Variants in GUSB observed in about 807,000 individuals in gnomAD.
GUSB encodes beta-glucuronidase.
Under a neutral mutation model 74.6 loss-of-function variants are expected in GUSB, and 51 were observed. The ratio of observed to expected loss-of-function variants is 0.68; its 90% confidence interval spans 0.55 to 0.86. The LOEUF (loss-of-function observed/expected upper bound fraction) is 0.86, where lower values mean the gene tolerates loss of function less well. GUSB is among the 40% of genes least tolerant of loss of function. GUSB has a pLI of 0.00. For missense variants in GUSB, 736 were observed against 853.7 expected (o/e 0.86, Z 1.72); for synonymous variants, 360 against 348.3 (o/e 1.03, Z -0.37).
chr7:65,981,888 G>T (rs1792050786), intron 1 of GUSB, 86 bp downstream of exon 1: 2 of 1,216,006 alleles, frequency 1.6e-6, no homozygotes, highest in Non-Finnish European at 2.3e-6. Context: ...GAGACGCCCA[G>T]GGGAAGAAGT....
intron 10 of GUSB, 28 bp from the exon 11 acceptor site, chr7:65,964,486 G>C: frequency 6.2e-7 from 1 of 1,606,164 alleles, no homozygotes; most frequent in Non-Finnish European, 8.5e-7. Flanking sequence ...GAGAATGTAA[G>C]AGTCAGAACT....
Position 65,979,708 on chromosome 7 carries a change from G to A in GUSB, c.581+19C>T. 6.2e-7 allele frequency: 1 copy of A among 1,612,152 alleles called. No homozygotes were observed. Among genetic ancestry groups the A allele is most frequent in the Non-Finnish European group, 8.5e-7 (1 of 1,178,570 alleles). On this transcript the variant is annotated intron_variant, in intron 3 of 11. Coordinates refer to ENST00000304895, the MANE Select transcript of GUSB (RefSeq NM_000181.4). Reference sequence around the variant, plus strand: ...GGCGGGAAGGTGGGTGTGTGCAATGGAGGCAGGATGGTACCCACTTGGAGG... The same window carrying A: ...GGCGGGAAGGTGGGTGTGTGCAATGAAGGCAGGATGGTACCCACTTGGAGG...
At position 65,976,020 on chromosome 7, in the gene GUSB, A is replaced by G. The variant is rs569297611; in HGVS notation, c.907T>C (p.Leu303=). 1.9e-6 allele frequency: 3 copies of G among 1,613,512 alleles called. No homozygotes were observed. Among genetic ancestry groups the G allele is most frequent in the South Asian group, 2.2e-5 (2 of 91,082 alleles). The change falls in exon 5 of 12, where the codon TTG becomes CTG. Residue 303 remains leucine (L), a synonymous_variant. Transcript: ENST00000304895. ...ATGTCCCAAACCACCATTACCTCCA[A>G]TGAATACAGATAGGCAGGGCGTTCG... ...MHERPAYLYS[L]EVQLTAQTSL...
chr7:65,975,025 T>G lies in GUSB; in HGVS notation c.959A>C (p.Tyr320Ser), dbSNP rs886044680. 8.7e-6 allele frequency: 14 copies of G among 1,613,296 alleles called. No individual in the cohort carries two copies. The highest frequency in any genetic ancestry group is 3.4e-6 in the Non-Finnish European group (4 of 1,179,482). The change falls in exon 6 of 12, where the codon TAC becomes TCC. Residue 320 changes from tyrosine (Y) to serine (S), a missense_variant. This residue lies in a region of GUSB where 368 missense variants were observed against 489.9 expected (regional missense o/e 0.75). Transcript: ENST00000304895. ...QTSLGPVSDF[Y>S]TLPVGIRTVA... ...AGTGCGGATCCCCACAGGGAGTGTGTAGAAGTCAGACACAGGCCCCAGTGA... is the reference window on the plus strand; with the variant it reads ...AGTGCGGATCCCCACAGGGAGTGTGGAGAAGTCAGACACAGGCCCCAGTGA...
intron 2 of GUSB, 39 bp downstream of exon 2, chr7:65,980,185 G>GCACCCCCCC: frequency 1.4e-6 from 1 of 725,274 alleles, no homozygotes; most frequent in Non-Finnish European, 2.4e-6. Context: ...CAGCAGCCGT[G>GCACCCCCCC]CCCCCCCACC....
intron 8 of GUSB, among the ~76,000 whole-genome samples, chr7:65,972,406 C>G (rs1013483523): frequency 6.6e-6 from 1 of 152,200 alleles, no homozygotes; most frequent in African/African-American, 2.4e-5. Flanking sequence ...TCAGGTGATC[C>G]ACCCACCTTG....
rs1297851058 is a variant in GUSB, at chr7:65,979,715, G to C, written c.581+12C>G. On this transcript the variant is annotated intron_variant, in intron 3 of 11. Coordinates refer to ENST00000304895, the MANE Select transcript of GUSB (RefSeq NM_000181.4). Reference sequence around the variant, plus strand: ...AGGTGGGTGTGTGCAATGGAGGCAGGATGGTACCCACTTGGAGGTGTCAGT... The same window carrying C: ...AGGTGGGTGTGTGCAATGGAGGCAGCATGGTACCCACTTGGAGGTGTCAGT... 1 of 1,612,658 alleles carries C rather than the reference G, an allele frequency of 6.2e-7. No homozygotes were observed. The highest frequency in any genetic ancestry group is 1.7e-5 in the Admixed American group (1 of 60,006).
chr7:65,980,587 G>A (rs895877810), intron 1 of GUSB, 178 bp from the exon 2 acceptor site: 2 of 645,302 alleles, frequency 3.1e-6, no homozygotes, highest in Non-Finnish European at 2.8e-6. Flanking sequence ...TGTGCACCTG[G>A]GCCAGTGGGG....
At chr7:65,962,548 C>G (rs973898644) in intron 11 of GUSB, among the ~76,000 whole-genome samples, 1 of 152,154 alleles carries the variant, frequency 6.6e-6, no homozygotes, top group Non-Finnish European at 1.5e-5. Context: ...ACTTGCCCAA[C>G]GTGATGCAGC....
At position 65,982,040 on chromosome 7, in the gene GUSB, G is replaced by A. The variant is rs1792067254; in HGVS notation, c.144C>T (p.Arg48=). ...GGCGTCGGTTGTCAGAGAAGTCGGC[G>A]CGGAAGCTCCAGAGGCCGTCCAGCT... ...CKELDGLWSF[R]ADFSDNRRRG... Residue 48 remains arginine (R), a synonymous_variant, in exon 1 of 12, where the codon CGC becomes CGT. Transcript: ENST00000304895. The A allele has an allele frequency of 1.2e-6, 2 of 1,610,644 alleles. No homozygotes were observed. The highest frequency in any genetic ancestry group is 1.1e-5 in the South Asian group (1 of 90,864).
At chr7:65,968,010 A>AC in intron 9 of GUSB, 103 bp from the exon 10 acceptor site, 7 of 949,442 alleles carry the variant, frequency 7.4e-6, no homozygotes, top group Non-Finnish European at 1.2e-5. Flanking sequence ...AGGGGGATGT[A>AC]ATCCCAGCAC....
chr7:65,971,135 C>T (rs1363168669), intron 8 of GUSB, among the ~76,000 whole-genome samples: 4 of 152,154 alleles, frequency 2.6e-5, no homozygotes, highest in Admixed American at 2.0e-4. Flanking sequence ...CGCCCTGAAA[C>T]AGCTCTTGAA....
In GUSB at chr7:65,964,341, C is replaced by G; in HGVS notation, c.1771G>C (p.Asp591His). 1 of 1,611,872 alleles carries G rather than the reference C, an allele frequency of 6.2e-7. No homozygotes were observed. The highest frequency in any genetic ancestry group is 8.5e-7 in the Non-Finnish European group (1 of 1,179,748). ...VVGELIWNFADFMTEQSPTRV... is the reference protein window; with the variant it reads ...VVGELIWNFAHFMTEQSPTRV... ...CACTTACACTGTTCAGTCATGAAAT[C>G]GGCAAAATTCCAAATGAGCTCTCCA... Residue 591 changes from aspartate (D) to histidine (H), a missense_variant, in exon 11 of 12, where the codon GAT (aspartate) becomes CAT (histidine). Transcript: ENST00000304895.
rs543165534 is a variant in GUSB, at chr7:65,970,694, C to T, written c.1392-328G>A. Among the ~76,000 whole-genome samples the T allele has an allele frequency of 2.0e-5, 3 of 152,076 alleles. No homozygotes were observed. The South Asian group carries it at 6.2e-4, about 32-fold the overall frequency. On this transcript the variant is annotated intron_variant, in intron 8 of 11. Coordinates refer to ENST00000304895, the MANE Select transcript of GUSB (RefSeq NM_000181.4). Reference sequence around the variant, plus strand: ...AGATCACAAGGTCAGGAGATCGATACCATCCTAACACGGTGAAACCCCGTC... The same window carrying T: ...AGATCACAAGGTCAGGAGATCGATATCATCCTAACACGGTGAAACCCCGTC...
At chr7:65,980,098 G>T in intron 2 of GUSB, 126 bp downstream of exon 2, 1 of 1,009,312 alleles carries the variant, frequency 9.9e-7, no homozygotes, top group Non-Finnish European at 1.5e-6. Flanking sequence ...AGCCCCCAGG[G>T]CAGGGCAGGG....
At chr7:65,979,326 G>A (rs1791819278) in intron 4 of GUSB, 73 bp downstream of exon 4, 1 of 1,433,850 alleles carries the variant, frequency 7.0e-7, no homozygotes, top group Non-Finnish European at 9.8e-7. Flanking sequence ...TTTTTCCTGG[G>A]AGAGCTTTCC....
intron 11 of GUSB, among the ~76,000 whole-genome samples, chr7:65,962,455 G>A (rs371841781): frequency 6.6e-6 from 1 of 152,254 alleles, no homozygotes; most frequent in Non-Finnish European, 1.5e-5. Context: ...GCATCGCCAA[G>A]TACTTCATCA....
Position 65,960,910 on chromosome 7 carries a change from C to T in GUSB, c.1943G>A (p.Ser648Asn). ...TATCAGTCTTGCTCAAGTAAACAGGCTGTTTTCCAAACATTGTGACTTGGC... is the reference window on the plus strand; with the variant it reads ...TATCAGTCTTGCTCAAGTAAACAGGTTGTTTTCCAAACATTGTGACTTGGC... Reference protein sequence around the residue: ...SVAKSQCLENSLFT With the variant: ...SVAKSQCLENNLFT Residue 648 changes from serine to asparagine, a missense_variant, in exon 12 of 12, where the codon AGC becomes AAC. Transcript: ENST00000304895. 1 of 1,613,906 alleles carries T rather than the reference C, an allele frequency of 6.2e-7. No homozygotes were observed. Among genetic ancestry groups the T allele is most frequent in the Non-Finnish European group, 8.5e-7 (1 of 1,179,862 alleles).
intron 10 of GUSB, among the ~76,000 whole-genome samples, chr7:65,966,919 A>G (rs1790875397): frequency 6.6e-6 from 1 of 152,192 alleles, no homozygotes; most frequent in Non-Finnish European, 1.5e-5. Context: ...CTATATCTAA[A>G]ATATGAAAAT....
Sources: gnomAD v4.1 joint callset for allele counts (sites outside exome capture counted in the v4.1 genomes callset) on GRCh38, gnomAD v4.1.1 for gene constraint, gnomAD v4.1.1 regional missense constraint, MANE v1.5 for transcripts, NCBI Gene and HGNC (gene_info 2026-07-23, HGNC 2026-07-21) for gene names.